ZFHX3: variants seen among roughly 807,000 people sequenced by gnomAD.
ZFHX3 encodes zinc finger homeobox protein 3.
ZFHX3 carries 42 observed loss-of-function variants against 279.1 expected under a neutral mutation model. The ratio of observed to expected loss-of-function variants is 0.15; its 90% CI spans 0.12 to 0.19. ZFHX3 has a LOEUF of 0.19. Ranked by LOEUF, ZFHX3 falls within the 10% of genes least tolerant of loss-of-function variation. The pLI, the probability that ZFHX3 is intolerant of heterozygous loss-of-function variation, is 1.00. For synonymous variants in ZFHX3, 2,293 were observed against 1,957.8 expected, an observed-to-expected ratio of 1.17 and a Z score of -4.52; for missense variants, 4,981 against 4,754.0, an observed-to-expected ratio of 1.05 and a Z score of -1.40.
intron 2 of ZFHX3, among the ~76,000 whole-genome samples, chr16:73,477,020 G>A (rs1283529896): frequency 6.6e-6 from 1 of 152,184 alleles, no homozygotes; most frequent in Non-Finnish European, 1.5e-5. Flanking sequence ...AATACATTAA[G>A]TGTAGGCACT....
chr16:73,431,638 T>C (rs2017913907), intron 3 of ZFHX3, among the ~76,000 whole-genome samples: 1 of 152,236 alleles, frequency 6.6e-6, no homozygotes, highest in Non-Finnish European at 1.5e-5. Flanking sequence ...ATGCAGTTAA[T>C]CCCAGTTTTT....
chr16:73,724,228 A>T (rs114838780), intron 1 of ZFHX3, among the ~76,000 whole-genome samples: 1 of 152,222 alleles, frequency 6.6e-6, no homozygotes, highest in South Asian at 2.1e-4. Context: ...AAGGCTGACA[A>T]CTCCTGTGTG....
At chr16:73,213,430 A>C (rs1453258561) in intron 5 of ZFHX3, among the ~76,000 whole-genome samples, 1 of 152,190 alleles carries the variant, frequency 6.6e-6, no homozygotes, top group East Asian at 1.9e-4. Context: ...CTCGACCCAC[A>C]TGTGCAAGGA....
chr16:72,984,485 A>G (rs1323027488), intron 1 of ZFHX3, among the ~76,000 whole-genome samples: 3 of 151,930 alleles, frequency 2.0e-5, no homozygotes, highest in Non-Finnish European at 4.4e-5. Flanking sequence ...AATTAGCCAG[A>G]CATGGTGGTG....
intron 3 of ZFHX3, chr16:73,400,159 A>T (rs1434889719): frequency 2.0e-5 from 3 of 152,064 alleles, no homozygotes; most frequent in African/African-American, 7.2e-5. Context: ...TGAGGCCCAG[A>T]GAGGTTAAGT....
intron 2 of ZFHX3, among the ~76,000 whole-genome samples, chr16:73,655,708 T>C (rs933652919): frequency 6.6e-6 from 1 of 152,200 alleles, no homozygotes; most frequent in African/African-American, 2.4e-5. Flanking sequence ...ACCCTGGTAT[T>C]ACCAAGTATT....
intron 3 of ZFHX3, among the ~76,000 whole-genome samples, chr16:73,423,594 G>T (rs896620430): frequency 6.6e-6 from 1 of 152,208 alleles, no homozygotes; most frequent in Admixed American, 6.5e-5. Context: ...GGGCACAGTG[G>T]CTCATGCTTG....
At chr16:72,824,674 T>C (rs1312766756) in intron 5 of ZFHX3, among the ~76,000 whole-genome samples, 1 of 152,182 alleles carries the variant, frequency 6.6e-6, no homozygotes, top group Non-Finnish European at 1.5e-5. Flanking sequence ...TAAATAACCA[T>C]CTTGCTATGA....
At chr16:73,110,706 G>A (rs1239558606) in intron 7 of ZFHX3, among the ~76,000 whole-genome samples, 1 of 152,040 alleles carries the variant, frequency 6.6e-6, no homozygotes, top group Non-Finnish European at 1.5e-5. Flanking sequence ...TGGGACTACA[G>A]GTGCGTATCA....
intron 1 of ZFHX3, among the ~76,000 whole-genome samples, chr16:73,039,419 A>C (rs1965031912): frequency 6.6e-6 from 1 of 152,178 alleles, no homozygotes; most frequent in Non-Finnish European, 1.5e-5. Context: ...ATTGTTTTAG[A>C]CCAGGAGAAG....
chr16:73,828,122 C>G (rs1024043265), intron 1 of ZFHX3, among the ~76,000 whole-genome samples: 7 of 76,094 alleles, frequency 9.2e-5, no homozygotes, highest in Non-Finnish European at 1.5e-4. Context: ...GGATAGTTAG[C>G]TCCTCTTGTT....
intron 3 of ZFHX3, among the ~76,000 whole-genome samples, chr16:72,916,068 T>C (rs928782203): frequency 6.6e-6 from 1 of 152,244 alleles, no homozygotes; most frequent in Non-Finnish European, 1.5e-5. Context: ...ATAGTATACG[T>C]GGCAAAAATC....
In ZFHX3 at chr16:73,205,681, G is replaced by A. The variant is rs535635267; in HGVS notation, c.-1104+51366C>T. On this transcript the variant is annotated intron_variant, in intron 5 of 17. Transcript: ENST00000641206. ...GAATGAAGCAGCTTTGTAACATGGT[G>A]CTCATTTTGGCTTTCAATTCAAGAT... 2.0e-5 allele frequency among the ~76,000 whole-genome samples: 3 copies of A among 152,264 alleles called. No individual in the cohort carries two copies. In the South Asian group the frequency reaches 6.2e-4, roughly 32 times the overall value.
At chr16:73,336,132 G>A (rs530352651) in intron 3 of ZFHX3, among the ~76,000 whole-genome samples, 106 of 152,344 alleles carry the variant, frequency 7.0e-4, no homozygotes, top group African/African-American at 2.5e-3. Context: ...GGTGCAGGCA[G>A]TGGAAGGTGG....
At chr16:73,688,314 A>T (rs2053112370) in intron 1 of ZFHX3, among the ~76,000 whole-genome samples, 1 of 146,142 alleles carries the variant, frequency 6.8e-6, no homozygotes, top group Non-Finnish European at 1.5e-5. Context: ...CTGAGATCAC[A>T]CTGCTGCACT....
chr16:73,330,261 A>T (rs1052089822), intron 3 of ZFHX3, among the ~76,000 whole-genome samples: 5 of 152,316 alleles, frequency 3.3e-5, no homozygotes, highest in African/African-American at 4.8e-5. Flanking sequence ...AAAGGAAGAA[A>T]GGAAAGTAGG....
At chr16:73,348,725 A>G (rs2016167185) in intron 3 of ZFHX3, among the ~76,000 whole-genome samples, 1 of 152,200 alleles carries the variant, frequency 6.6e-6, no homozygotes, top group African/African-American at 2.4e-5. Context: ...CTCATTTGGG[A>G]GGCTCTTGTG....
chr16:72,829,294 C>CCACT (rs2037008543), intron 5 of ZFHX3, among the ~76,000 whole-genome samples: 2 of 151,956 alleles, frequency 1.3e-5, no homozygotes, highest in African/African-American at 4.8e-5. Flanking sequence ...ATTACATGAG[C>CCACT]CACTGTGCCT....
chr16:73,469,520 G>A lies in ZFHX3; in HGVS notation c.-1546-13262C>T, dbSNP rs527745542. Among the ~76,000 whole-genome samples the A allele has an allele frequency of 3.9e-5, 6 of 152,176 alleles. 1 individual carries two copies. The East Asian group carries it at 7.7e-4, about 20-fold the overall frequency. ...TCAAAGAATTCTATGTTAACCTGGT[G>A]TCACTGTCTTCTTGAGCAGAAGTTC... On this transcript the variant is annotated intron_variant, in intron 2 of 17. Coordinates refer to the ZFHX3 transcript ENST00000641206.
Sources: allele counts gnomAD v4.1 joint callset (sites outside exome capture counted in the v4.1 genomes callset), GRCh38; gene constraint gnomAD v4.1.1; transcripts MANE v1.5; gene names NCBI Gene and HGNC (gene_info 2026-07-23, HGNC 2026-07-21).